C11orf21: variants seen among roughly 807,000 people sequenced by gnomAD.
The protein encoded by C11orf21 is uncharacterized protein C11orf21.
C11orf21 carries 19 observed loss-of-function variants against 15.2 expected under a neutral mutation model. The ratio of observed to expected loss-of-function variants is 1.25; its 90% CI spans 0.87 to 1.84. C11orf21 has a LOEUF of 1.84. Ranked by LOEUF, C11orf21 falls within the 40% of genes most tolerant of loss-of-function variation. The probability of loss-of-function intolerance (pLI) is 0.00; values close to 1 mark genes in which losing one functional copy is unlikely to be tolerated. For synonymous variants in C11orf21, 62 were observed against 66.8 expected (o/e 0.93, Z 0.35); for missense variants, 171 against 174.4 (o/e 0.98, Z 0.11).
chr11:2,298,511 C>T (rs886681291), intron 3 of C11orf21, among the ~76,000 whole-genome samples: 5 of 152,114 alleles, frequency 3.3e-5, no homozygotes, highest in African/African-American at 4.8e-5. Flanking sequence ...GGGGAGGGTC[C>T]GATGTGCATT....
Position 2,301,795 on chromosome 11 carries a change from C to G in C11orf21, c.14G>C (p.Trp5Ser). MGRT[W>S]CGMWRRRRPG... is the part of the protein sequence containing the mutation. ...GCGCCGTCTCCTCCACATCCCACAC[C>G]AGGTCCTGCCCATGACTTTCCCCCT... Residue 5 changes from tryptophan (W) to serine (S), a missense_variant, in exon 1 of 4, where the codon TGG (tryptophan) becomes TCG (serine). Coordinates refer to ENST00000381153, the MANE Select transcript of C11orf21 (RefSeq NM_001329958.2). 6.4e-7 allele frequency: 1 copy of G among 1,550,700 alleles called. No homozygotes were observed. The highest frequency in any genetic ancestry group is 8.7e-7 in the Non-Finnish European group (1 of 1,146,930).
chr11:2,300,609 C>A lies in C11orf21; in HGVS notation c.58G>T (p.Val20Leu). 6.4e-7 allele frequency: 1 copy of A among 1,550,462 alleles called. No homozygotes were observed. Among genetic ancestry groups the A allele is most frequent in the Non-Finnish European group, 8.7e-7 (1 of 1,146,772 alleles). ...RRRRPGRRSA[V>L]PRWPHLSSQS... is the part of the protein sequence containing the mutation. ...GATGACAAGTGAGGCCACCTGGGCA[C>A]AGCGCTGGTGTGAGAAGGAGGCCAT... The change falls in exon 2 of 4, where the codon GTG becomes TTG. Residue 20 changes from valine to leucine, a missense_variant. Physicochemically the swap from Val to Leu is conservative, Grantham distance 32. Transcript: ENST00000381153.
upstream of C11orf21, chr11:2,302,727 G>A (rs1284234388): frequency 1.6e-5 from 13 of 790,578 alleles, no homozygotes; most frequent in Non-Finnish European, 2.5e-5. Context: ...CTGCAGCTGA[G>A]CCTGTCTCTC....
chr11:2,295,737 A>T lies in C11orf21; in HGVS notation c.*2213T>A, dbSNP rs1234214169. On this transcript the variant is annotated 3_prime_UTR_variant, in exon 4 of 4. Transcript: ENST00000381153. This position sits in a 1 kb window ranked among gnomAD's most constrained non-coding sequence, Gnocchi z 5.4. ...AACAAGAAGAGTGAACCCTCATGTA[A>T]CCTGATCAATGACTAGGTCAATATT... 2 of 152,210 alleles carry T rather than the reference A, an allele frequency of 1.3e-5. No individual in the cohort carries two copies. The allele number at this position is 152,210 out of a possible 1,614,324, so 9.4% of individuals were successfully genotyped here.
Position 2,296,566 on chromosome 11 carries a change from CTG to C in C11orf21, c.*1382_*1383del. On this transcript the variant is annotated 3_prime_UTR_variant, in exon 4 of 4. Coordinates refer to ENST00000381153, the MANE Select transcript of C11orf21 (RefSeq NM_001329958.2). The surrounding 1 kb of genome is among the most constrained non-coding windows in gnomAD (Gnocchi z 5.6). Reference sequence around the variant, plus strand: ...ATGGCTGCAGGTCCCTGAGGGGAGACTGGGGAAAGAAGAATAATGTAAATTTG... The same window carrying C: ...ATGGCTGCAGGTCCCTGAGGGGAGACGGGAAAGAAGAATAATGTAAATTTG... The C allele has an allele frequency of 6.6e-6, 1 of 152,352 alleles. No individual in the cohort carries two copies. The highest frequency in any genetic ancestry group is 1.5e-5 in the Non-Finnish European group (1 of 68,050). The allele number at this position is 152,352 out of a possible 1,614,324, so 9.4% of individuals were successfully genotyped here.
intron 1 of C11orf21, chr11:2,300,823 G>A (rs1847706604): frequency 6.6e-7 from 1 of 1,524,692 alleles, no homozygotes; most frequent in Non-Finnish European, 8.9e-7. Context: ...GAGAGGACGG[G>A]CTGCCCACTT....
intron 3 of C11orf21, among the ~76,000 whole-genome samples, chr11:2,298,893 G>GA (rs954320821): frequency 7.2e-5 from 11 of 151,868 alleles, no homozygotes; most frequent in Admixed American, 5.2e-4. Context: ...AGGCTCCTTG[G>GA]GGGGGGAAGC....
chr11:2,299,337 G>A, intron 3 of C11orf21, 91 bp downstream of exon 3: 1 of 1,361,486 alleles, frequency 7.3e-7, no homozygotes, highest in Non-Finnish European at 9.8e-7. Flanking sequence ...ACGCAGGTGG[G>A]AAGCTCTTGA....
At chr11:2,301,927 C>A (rs1847773832), upstream of C11orf21, 1 of 1,528,304 alleles carries the variant, frequency 6.5e-7, no homozygotes, top group Non-Finnish European at 8.8e-7. Flanking sequence ...CTGGGGGCAC[C>A]AGGGTGAGGT....
At chr11:2,301,566 G>A in intron 1 of C11orf21, 190 bp downstream of exon 1, 1 of 540,254 alleles carries the variant, frequency 1.9e-6, no homozygotes, top group South Asian at 2.7e-5. Flanking sequence ...AAATATCCAT[G>A]AGTGCCGCCC....
Position 2,298,891 on chromosome 11 carries a change from TG to T in C11orf21, c.*28+536del, listed in dbSNP as rs563366399. Among the ~76,000 whole-genome samples, 11 of 151,688 alleles carry T rather than the reference TG, an allele frequency of 7.3e-5. No individual in the cohort carries two copies. The East Asian group carries it at 1.2e-3, about 16-fold the overall frequency. On this transcript the variant is annotated intron_variant, in intron 3 of 3. Coordinates refer to ENST00000381153, the MANE Select transcript of C11orf21 (RefSeq NM_001329958.2). The stretch of plus-strand genomic sequence containing the variant: ...CACTGAGGGCAGAGCCTAGGCTCCT[TG>T]GGGGGGGAAGCAGGGTGCCCCTCAG...
chr11:2,302,231 G>C (rs767241117), upstream of C11orf21: 1 of 1,395,140 alleles, frequency 7.2e-7, no homozygotes, highest in Non-Finnish European at 9.3e-7. Context: ...AGGCAGGTCG[G>C]GCAGGAGTGG....
At chr11:2,300,797 C>A (rs1321141855) in intron 1 of C11orf21, 184 bp from the exon 2 acceptor site, 1 of 1,548,532 alleles carries the variant, frequency 6.5e-7, no homozygotes, top group Non-Finnish European at 8.7e-7. Context: ...TAGCCAAGAG[C>A]AGCTCATCTT....
At chr11:2,300,327 G>C (rs1420161998) in intron 2 of C11orf21, among the ~76,000 whole-genome samples, 193 bp downstream of exon 2, 1 of 138,004 alleles carries the variant, frequency 7.2e-6, no homozygotes. Context: ...GTGCGGGGTG[G>C]GCAGGGGTGT....
rs978133958 is a variant in C11orf21 at position 2,301,111 on chromosome 11, G to C, written c.54-498C>G. The C allele has an allele frequency of 1.2e-5, 4 of 332,552 alleles. No homozygotes were observed. In the Admixed American group the frequency reaches 1.4e-4, roughly 12 times the overall value. 20.6% of individuals were successfully genotyped at this position (332,552 alleles called of 1,614,324 possible). On this transcript the variant is annotated intron_variant, in intron 1 of 3. Transcript: ENST00000381153. ...CTGGTTCTCCCTCCGCAGAGGGAGGGAGGCGGTGGCCTCAGCAGTTCCTCC... is the reference window on the plus strand; with the variant it reads ...CTGGTTCTCCCTCCGCAGAGGGAGGCAGGCGGTGGCCTCAGCAGTTCCTCC...
upstream of C11orf21, chr11:2,302,788 C>A: frequency 6.8e-7 from 1 of 1,480,408 alleles, no homozygotes; most frequent in Non-Finnish European, 9.4e-7. Context: ...TGGGGCCGAG[C>A]TCCCTGCTCC....
rs1343255345 is a variant in C11orf21 at position 2,299,617 on chromosome 11, C to A, written c.238G>T (p.Asp80Tyr). 4.5e-6 allele frequency: 7 copies of A among 1,551,138 alleles called. No individual in the cohort carries two copies. The East Asian group carries it at 1.5e-4, about 33-fold the overall frequency. The part of the protein sequence containing the change: ...VPPATAHEPV[D>Y]HPALHWLACC... ...GCAAGCCAGTGCAGAGCTGGGTGAT[C>A]CACAGGTTCATGAGCGGTGGCAGGT... is the stretch of plus-strand genomic sequence containing the variant. The change falls in exon 3 of 4, where the codon GAT (aspartate) becomes TAT (tyrosine). Residue 80 changes from aspartate (D) to tyrosine (Y), a missense_variant. Physicochemically the swap from Asp to Tyr is radical, Grantham distance 160. Transcript: ENST00000381153.
At chr11:2,302,660 C>T, upstream of C11orf21, 1 of 605,488 alleles carries the variant, frequency 1.7e-6, no homozygotes, top group Non-Finnish European at 2.9e-6. Flanking sequence ...TGTGAGTGTG[C>T]TGGGGCGTCT....
intron 1 of C11orf21, chr11:2,301,076 C>A: frequency 2.7e-6 from 1 of 367,240 alleles, no homozygotes. Flanking sequence ...GGTTGTCCCT[C>A]CTGGTTCTCC....
Sources: gnomAD v4.1 joint callset for allele counts (sites outside exome capture counted in the v4.1 genomes callset) on GRCh38, gnomAD v4.1.1 for gene constraint, Gnocchi (gnomAD v3.1) non-coding constraint, MANE v1.5 for transcripts, NCBI Gene and HGNC (gene_info 2026-07-23, HGNC 2026-07-21) for gene names.